Variants in PACRG observed in about 807,000 individuals in gnomAD.
The protein encoded by PACRG is parkin coregulated gene protein.
In PACRG, 29 loss-of-function variants were observed where a neutral mutation model predicts 29.7. The ratio of observed to expected loss-of-function variants is 0.98; its 90% CI spans 0.73 to 1.33. PACRG has a LOEUF of 1.33. Among genes scored for constraint, PACRG ranks in the 40% most tolerant of loss-of-function variants. The pLI, the probability that PACRG is intolerant of heterozygous loss-of-function variation, is 0.00. For synonymous variants in PACRG, 116 were observed against 118.7 expected, an observed-to-expected ratio of 0.98 and a Z score of 0.15; for missense variants, 279 against 316.2, an observed-to-expected ratio of 0.88 and a Z score of 0.89.
intron 2 of PACRG, among the ~76,000 whole-genome samples, chr6:162,976,201 G>GAGT (rs1801944289): frequency 6.6e-6 from 1 of 152,234 alleles, no homozygotes; most frequent in Non-Finnish European, 1.5e-5. Context: ...CAGAGGCACT[G>GAGT]AGTAGCGTGT....
chr6:162,778,735 G>A (rs13202401), intron 1 of PACRG, among the ~76,000 whole-genome samples: 13,599 of 152,248 alleles, frequency 0.089, 920 homozygotes, highest in South Asian at 0.23. Flanking sequence ...TCCTTCTGGA[G>A]AAGCTCCTTA....
intron 4 of PACRG, among the ~76,000 whole-genome samples, chr6:163,146,378 A>G (rs1195736724): frequency 6.6e-6 from 1 of 152,210 alleles, no homozygotes; most frequent in Non-Finnish European, 1.5e-5. Context: ...CATCTGAATT[A>G]TGAGTTATTC....
chr6:162,861,302 A>G (rs999274785), intron 2 of PACRG, among the ~76,000 whole-genome samples: 5 of 152,212 alleles, frequency 3.3e-5, no homozygotes, highest in Admixed American at 3.3e-4. Context: ...ATATATTCCC[A>G]GTTTTCACTC....
intron 2 of PACRG, among the ~76,000 whole-genome samples, chr6:162,842,871 G>C (rs1178750330): frequency 5.6e-5 from 6 of 106,636 alleles, no homozygotes; most frequent in Admixed American, 1.1e-4. Context: ...AGTTTGGCTG[G>C]ATATGAAATT....
At chr6:163,015,963 AAG>A (rs1045421727) in intron 2 of PACRG, among the ~76,000 whole-genome samples, 4 of 152,218 alleles carry the variant, frequency 2.6e-5, no homozygotes, top group African/African-American at 9.6e-5. Context: ...ATTAGAAGCA[AAG>A]AGAGAGGGTA....
At chr6:163,025,776 G>A (rs1009186641) in intron 2 of PACRG, among the ~76,000 whole-genome samples, 7 of 152,350 alleles carry the variant, frequency 4.6e-5, no homozygotes, top group Admixed American at 2.0e-4. Context: ...TTCTTTCCAC[G>A]CAGCCTCAGA....
At chr6:163,085,798 A>T (rs1373175158) in intron 3 of PACRG, among the ~76,000 whole-genome samples, 3 of 152,184 alleles carry the variant, frequency 2.0e-5, no homozygotes, top group African/African-American at 7.2e-5. Flanking sequence ...TGTCCTTCTT[A>T]TGTGTAATTG....
chr6:163,159,416 C>T (rs1297559817), intron 4 of PACRG, among the ~76,000 whole-genome samples: 3 of 151,258 alleles, frequency 2.0e-5, no homozygotes, highest in African/African-American at 7.3e-5. Context: ...GAAGTAAATT[C>T]ATGTGCTGTA....
At chr6:162,870,933 G>T (rs1050544506) in intron 2 of PACRG, among the ~76,000 whole-genome samples, 1 of 151,984 alleles carries the variant, frequency 6.6e-6, no homozygotes, top group Non-Finnish European at 1.5e-5. Context: ...AATTGACTGG[G>T]GCACCATTTT....
intron 3 of PACRG, among the ~76,000 whole-genome samples, chr6:163,082,184 A>G (rs112630959): frequency 6.6e-6 from 1 of 152,188 alleles, no homozygotes; most frequent in Non-Finnish European, 1.5e-5. Context: ...TTCTGTGAGT[A>G]TATCTAACAA....
chr6:162,734,320 T>C (rs1779997340), intron 1 of PACRG, among the ~76,000 whole-genome samples: 3 of 152,176 alleles, frequency 2.0e-5, no homozygotes, highest in Admixed American at 2.0e-4. Flanking sequence ...GATTCTGTTT[T>C]ACTTTTAATT....
At chr6:163,267,966 G>A (rs1045468317) in intron 4 of PACRG, among the ~76,000 whole-genome samples, 1 of 152,138 alleles carries the variant, frequency 6.6e-6, no homozygotes, top group Non-Finnish European at 1.5e-5. Flanking sequence ...ATAAGATGTT[G>A]ATATTTTCAA....
chr6:163,191,321 T>C, intron 4 of PACRG, among the ~76,000 whole-genome samples: 1 of 152,152 alleles, frequency 6.6e-6, no homozygotes, highest in East Asian at 1.9e-4. Flanking sequence ...CTATGAATGA[T>C]CCCACCCAGT....
At chr6:163,238,098 T>C (rs1042731190) in intron 4 of PACRG, among the ~76,000 whole-genome samples, 2 of 152,196 alleles carry the variant, frequency 1.3e-5, no homozygotes, top group African/African-American at 2.4e-5. Context: ...GAAATTATAT[T>C]TTCTTGGTTA....
intron 4 of PACRG, among the ~76,000 whole-genome samples, chr6:163,138,036 C>A (rs1040572291): frequency 3.4e-4 from 52 of 152,302 alleles, no homozygotes; most frequent in Admixed American, 2.6e-4. Flanking sequence ...GTGCCCAGAA[C>A]GACAGTACAT....
chr6:162,947,583 C>CATATATATAATCATATATAT (rs1554313268), intron 2 of PACRG, among the ~76,000 whole-genome samples: 6 of 42,046 alleles, frequency 1.4e-4, no homozygotes, highest in Non-Finnish European at 1.6e-4. Flanking sequence ...CATATATAAT[C>CATATATATAATCATATATAT]ATATATATAA....
chr6:163,183,993 G>A (rs765915448), intron 4 of PACRG, among the ~76,000 whole-genome samples: 5 of 152,214 alleles, frequency 3.3e-5, no homozygotes, highest in Non-Finnish European at 5.9e-5. Flanking sequence ...TATTTTGGCT[G>A]TACTGGAGCA....
intron 2 of PACRG, among the ~76,000 whole-genome samples, chr6:162,960,106 C>T (rs1448154041): frequency 3.9e-5 from 6 of 152,090 alleles, no homozygotes; most frequent in Non-Finnish European, 5.9e-5. Flanking sequence ...CAAAAAACAA[C>T]GGATGCTGGT....
At chr6:162,730,668 A>C (rs1033229856) in intron 1 of PACRG, among the ~76,000 whole-genome samples, 1 of 152,192 alleles carries the variant, frequency 6.6e-6, no homozygotes, top group South Asian at 2.1e-4. Context: ...ATAATGATAA[A>C]TGTAAATGGC....
Sources: allele counts gnomAD v4.1 joint callset (sites outside exome capture counted in the v4.1 genomes callset), GRCh38; gene constraint gnomAD v4.1.1; transcripts MANE v1.5; gene names NCBI Gene and HGNC (gene_info 2026-07-23, HGNC 2026-07-21).